Variants in CDC25B observed in about 807,000 individuals in gnomAD.
CDC25B encodes M-phase inducer phosphatase 2.
In CDC25B, 33 loss-of-function variants were observed where a neutral mutation model predicts 69.8. That is an observed-to-expected ratio of 0.47 (90% CI 0.36 to 0.63). CDC25B has a LOEUF of 0.63. Ranked by LOEUF, CDC25B falls within the 30% of genes least tolerant of loss-of-function variation. The pLI is 0.00. For synonymous variants in CDC25B, 341 were observed against 314.6 expected, an observed-to-expected ratio of 1.08 and a Z score of -0.89; for missense variants, 727 against 809.1, an observed-to-expected ratio of 0.90 and a Z score of 1.23.
rs757940894 is a variant in CDC25B, at chr20:3,801,366, A to G, written c.818A>G (p.Asp273Gly). The G allele has an allele frequency of 1.9e-6, 3 of 1,613,448 alleles. No homozygotes were observed. The highest frequency in any genetic ancestry group is 2.5e-6 in the Non-Finnish European group (3 of 1,179,680). ...ACTGAGGAAGATGATGGATTTGTGG[A>G]CATCCTAGAGAGTGACTTAAAGGTA... The part of the protein sequence containing the change: ...GDTEEDDGFV[D>G]ILESDLKDDD... Residue 273 changes from aspartate (D) to glycine (G), a missense_variant, in exon 8 of 16, where the codon GAC becomes GGC. Physicochemically the swap from Asp to Gly is moderately conservative, Grantham distance 94. Coordinates refer to ENST00000245960, the MANE Select transcript of CDC25B (RefSeq NM_021873.4).
At position 3,796,494 on chromosome 20, in the gene CDC25B, C is replaced by A; in HGVS notation, c.-38C>A. 2.1e-6 allele frequency: 3 copies of A among 1,417,820 alleles called. No homozygotes were observed. Among genetic ancestry groups the A allele is most frequent in the Non-Finnish European group, 2.8e-6 (3 of 1,082,926 alleles). 87.8% of individuals were successfully genotyped at this position (1,417,820 alleles called of 1,614,324 possible). A position where few individuals can be genotyped will look rare whatever the true frequency, so the allele number is the denominator to read the frequency against. Reference sequence around the variant, plus strand: ...GCCGGCGTTTGTTGGCTGCCCTGCGCCCGGCCCTCCAGCCAGCCTTCTGCC... The same window carrying A: ...GCCGGCGTTTGTTGGCTGCCCTGCGACCGGCCCTCCAGCCAGCCTTCTGCC... On this transcript the variant is annotated 5_prime_UTR_variant, in exon 1 of 16. Coordinates refer to ENST00000245960, the MANE Select transcript of CDC25B (RefSeq NM_021873.4).
upstream of CDC25B, among the ~76,000 whole-genome samples, chr20:3,794,648 G>A (rs1048204766): frequency 7.2e-5 from 11 of 152,148 alleles, no homozygotes; most frequent in African/African-American, 2.4e-4. Context: ...GACCCAGGGA[G>A]GATGAACCGG....
At chr20:3,804,224 G>T (rs530721693) in intron 14 of CDC25B, among the ~76,000 whole-genome samples, 2 of 152,176 alleles carry the variant, frequency 1.3e-5, no homozygotes, top group Admixed American at 6.5e-5. Context: ...TCCTCACCAG[G>T]TCTTGTCCAG....
chr20:3,787,281 G>T (rs755715432), intron 1 of CDC25B: 3 of 457,982 alleles, frequency 6.6e-6, no homozygotes, highest in Non-Finnish European at 7.7e-6. Context: ...GCATCAAGTA[G>T]TGAGAATTTT....
chr20:3,792,062 T>A (rs945465519), upstream of CDC25B, among the ~76,000 whole-genome samples: 12 of 151,800 alleles, frequency 7.9e-5, no homozygotes, highest in Non-Finnish European at 1.6e-4. Flanking sequence ...TACAGGCACA[T>A]GCCACCATGC....
At chr20:3,795,989 G>T (rs1462422452), upstream of CDC25B, 18 of 989,628 alleles carry the variant, frequency 1.8e-5, no homozygotes, top group Non-Finnish European at 2.2e-5. Flanking sequence ...CCCAGGTGAC[G>T]ACATGCCGCG....
intron 10 of CDC25B, 47 bp downstream of exon 10, chr20:3,802,147 C>T (rs1446034015): frequency 6.5e-7 from 1 of 1,535,994 alleles, no homozygotes; most frequent in East Asian, 2.4e-5. Flanking sequence ...ACCTGGGCAG[C>T]CACCCCCTTG....
rs950538166 is a variant in CDC25B at position 3,803,937 on chromosome 20, C to T, written c.1490+400C>T. Among the ~76,000 whole-genome samples, 2 of 152,190 alleles carry T rather than the reference C, an allele frequency of 1.3e-5. No individual in the cohort carries two copies. The highest frequency in any genetic ancestry group is 6.5e-5 in the Admixed American group (1 of 15,274). On this transcript the variant is annotated intron_variant, in intron 14 of 15. Transcript: ENST00000245960. This position sits in a 1 kb window ranked among gnomAD's most constrained non-coding sequence, Gnocchi z 4.9. ...GCACCTGGGCCTCCCTGGCTGAGCTCCTTCTGTCGCTATTCCTGTTCTGCC... is the reference window on the plus strand; with the variant it reads ...GCACCTGGGCCTCCCTGGCTGAGCTTCTTCTGTCGCTATTCCTGTTCTGCC...
At chr20:3,794,887 C>T (rs11569975), upstream of CDC25B, among the ~76,000 whole-genome samples, 1,213 of 152,260 alleles carry the variant, frequency 8.0e-3, 17 homozygotes, top group African/African-American at 0.028. Flanking sequence ...AGAAGGGGTA[C>T]TCCTGCCTTG....
chr20:3,798,532 T>C, intron 3 of CDC25B, 69 bp downstream of exon 3: 1 of 1,290,356 alleles, frequency 7.7e-7, no homozygotes, highest in African/African-American at 1.5e-5. Flanking sequence ...AGTTCTACCA[T>C]AAATTCACCC....
intron 14 of CDC25B, among the ~76,000 whole-genome samples, chr20:3,804,068 C>T (rs533093896): frequency 8.5e-5 from 13 of 152,222 alleles, no homozygotes; most frequent in Non-Finnish European, 1.8e-4. Flanking sequence ...GAATCTGCAC[C>T]CAGACGCCCC....
In CDC25B at chr20:3,805,009, G is replaced by A. The variant is rs2089430568; in HGVS notation, c.*48G>A. On this transcript the variant is annotated 3_prime_UTR_variant, in exon 16 of 16. Transcript: ENST00000245960. ...CCTCCCTTGCCTTTCGAGGCCTGAAGCCAGCTGCCCTATGGGCCTGCCGGG... is the reference window on the plus strand; with the variant it reads ...CCTCCCTTGCCTTTCGAGGCCTGAAACCAGCTGCCCTATGGGCCTGCCGGG... The A allele has an allele frequency of 1.9e-6, 3 of 1,588,512 alleles. No homozygotes were observed. Among genetic ancestry groups the A allele is most frequent in the South Asian group, 1.1e-5 (1 of 89,544 alleles).
At chr20:3,790,376 A>AT (rs1172663396) in intron 1 of CDC25B, among the ~76,000 whole-genome samples, 6,974 of 125,734 alleles carry the variant, frequency 0.055, 317 homozygotes, top group Non-Finnish European at 0.086. Flanking sequence ...CCATTTTGGA[A>AT]TTTTTTTTTT....
At chr20:3,790,050 G>A (rs1309584147) in intron 1 of CDC25B, among the ~76,000 whole-genome samples, 3 of 152,012 alleles carry the variant, frequency 2.0e-5, no homozygotes, top group Non-Finnish European at 4.4e-5. Flanking sequence ...TCCTAGGGAG[G>A]CTGGGGTGGG....
rs2089411532 is a variant in CDC25B, at chr20:3,804,657, AAGG to A, written c.1582_1584del (p.Glu528del). ...GATGTATATCCTGAAAGGCGGCTAC[AAGG>A]AGTTCTTCCCTCAGCACCCGGTAGC... On this transcript the variant is annotated inframe_deletion, in exon 15 of 16. Coordinates refer to ENST00000245960, the MANE Select transcript of CDC25B (RefSeq NM_021873.4). The A allele has an allele frequency of 2.5e-6, 4 of 1,612,808 alleles. No individual in the cohort carries two copies. Among genetic ancestry groups the A allele is most frequent in the Non-Finnish European group, 3.4e-6 (4 of 1,179,226 alleles).
At position 3,802,038 on chromosome 20, in the gene CDC25B, G is replaced by A. The variant is rs769187828; in HGVS notation, c.1036G>A (p.Val346Met). The change falls in exon 10 of 16, where the codon GTG becomes ATG. Residue 346 changes from valine to methionine, a missense_variant. Val to Met is a conservative substitution (Grantham distance 21). Coordinates refer to ENST00000245960, the MANE Select transcript of CDC25B (RefSeq NM_021873.4). ...LERPQDRDTP[V>M]QNKRRRSVTP... ...GCGGCCCCAGGACAGGGACACGCCC[G>A]TGCAGAATAAGCGGAGGCGGAGCGT... 1.5e-5 allele frequency: 24 copies of A among 1,580,800 alleles called. No individual in the cohort carries two copies. The highest frequency in any genetic ancestry group is 2.3e-5 in the South Asian group (2 of 86,760).
At chr20:3,800,546 A>G (rs757426655) in intron 5 of CDC25B, 48 bp downstream of exon 5, 9 of 1,605,454 alleles carry the variant, frequency 5.6e-6, no homozygotes, top group Non-Finnish European at 6.8e-6. Context: ...CTAGCCAGGC[A>G]TGGGGTAGAT....
chr20:3,802,060 G>A lies in CDC25B; in HGVS notation c.1058G>A (p.Ser353Asn). ...CCCGTGCAGAATAAGCGGAGGCGGAGCGTGACCCCTCCTGAGGAGCAGCAG... is the reference window on the plus strand; with the variant it reads ...CCCGTGCAGAATAAGCGGAGGCGGAACGTGACCCCTCCTGAGGAGCAGCAG... The part of the protein sequence containing the change: ...DTPVQNKRRR[S>N]VTPPEEQQEA... The change falls in exon 10 of 16, where the codon AGC becomes AAC. Residue 353 changes from serine (S) to asparagine (N), a missense_variant. This residue lies in a region of CDC25B where 359 missense variants were observed against 463.4 expected (regional missense o/e 0.77). Coordinates refer to ENST00000245960, the MANE Select transcript of CDC25B (RefSeq NM_021873.4). 1.9e-6 allele frequency: 3 copies of A among 1,564,370 alleles called. No individual in the cohort carries two copies. Among genetic ancestry groups the A allele is most frequent in the Admixed American group, 1.9e-5 (1 of 52,222 alleles).
chr20:3,800,649 G>A, intron 5 of CDC25B, 94 bp from the exon 6 acceptor site: 6 of 1,592,854 alleles, frequency 3.8e-6, no homozygotes, highest in Non-Finnish European at 5.1e-6. Flanking sequence ...TAAGTGGGAG[G>A]AGCTGGAGGA....
Sources: allele counts gnomAD v4.1 joint callset (sites outside exome capture counted in the v4.1 genomes callset), GRCh38; gene constraint gnomAD v4.1.1; regional missense constraint gnomAD v4.1.1; non-coding constraint Gnocchi (gnomAD v3.1); transcripts MANE v1.5; gene names NCBI Gene and HGNC (gene_info 2026-07-23, HGNC 2026-07-21).